The following SEMA3E variants were observed in gnomAD, a reference collection of about 807,000 sequenced individuals.
SEMA3E encodes semaphorin-3E.
In SEMA3E, 49 loss-of-function variants were observed where a neutral mutation model predicts 93.6. The ratio of observed to expected loss-of-function variants is 0.52; its 90% confidence interval spans 0.42 to 0.66. SEMA3E has a LOEUF of 0.66. SEMA3E is among the 30% of genes least tolerant of loss of function. SEMA3E has a pLI of 0.00. For synonymous variants in SEMA3E, 363 were observed against 330.7 expected (o/e 1.10, Z -1.06); for missense variants, 906 against 964.8 (o/e 0.94, Z 0.81).
At chr7:83,434,714 T>C (rs1309217919) in intron 4 of SEMA3E, among the ~76,000 whole-genome samples, 4 of 76,436 alleles carry the variant, frequency 5.2e-5, no homozygotes, top group Admixed American at 2.2e-4. Flanking sequence ...TATTTCTTTT[T>C]TTTTTTTTTT....
At chr7:83,532,027 C>T (rs1011215157) in intron 1 of SEMA3E, among the ~76,000 whole-genome samples, 5 of 152,146 alleles carry the variant, frequency 3.3e-5, no homozygotes, top group African/African-American at 4.8e-5. Context: ...TTAAAGTTAG[C>T]ATGCATTGCT....
At chr7:83,396,040 GAT>G (rs1491459708) in intron 12 of SEMA3E, among the ~76,000 whole-genome samples, 2 of 63,990 alleles carry the variant, frequency 3.1e-5, no homozygotes, top group Non-Finnish European at 6.6e-5. Flanking sequence ...GATACGACTT[GAT>G]GTGTGTGTGT....
intron 13 of SEMA3E, 84 bp from the exon 14 acceptor site, chr7:83,392,805 A>C: frequency 1.6e-6 from 2 of 1,273,702 alleles, no homozygotes; most frequent in South Asian, 2.4e-5. Flanking sequence ...ATTTATACAC[A>C]ATCACCTCAG....
intron 9 of SEMA3E, among the ~76,000 whole-genome samples, chr7:83,404,611 T>C (rs1476507787): frequency 6.6e-6 from 1 of 151,990 alleles, no homozygotes; most frequent in African/African-American, 2.4e-5. Context: ...TATGAAATAA[T>C]ATTTTATCCA....
At chr7:83,582,257 T>C (rs1375647230) in intron 1 of SEMA3E, among the ~76,000 whole-genome samples, 1 of 150,628 alleles carries the variant, frequency 6.6e-6, no homozygotes, top group Non-Finnish European at 1.5e-5. Context: ...TACATATAAA[T>C]AATAAACTAA....
chr7:83,397,381 A>T (rs192910021), intron 11 of SEMA3E, among the ~76,000 whole-genome samples: 84 of 152,126 alleles, frequency 5.5e-4, no homozygotes, highest in Admixed American at 2.8e-3. Flanking sequence ...ACGCAAGAAA[A>T]TTTTTTTACC....
intron 2 of SEMA3E, among the ~76,000 whole-genome samples, chr7:83,482,703 GC>G (rs1327024940): frequency 6.6e-6 from 1 of 151,754 alleles, no homozygotes; most frequent in Non-Finnish European, 1.5e-5. Flanking sequence ...ATAACACAAT[GC>G]CTACTCTTAG....
At chr7:83,423,805 C>G (rs930621817) in intron 4 of SEMA3E, among the ~76,000 whole-genome samples, 15 of 152,196 alleles carry the variant, frequency 9.9e-5, no homozygotes, top group African/African-American at 3.6e-4. Context: ...GCCACTGCAC[C>G]CAGCCTCGAT....
At chr7:83,381,344 T>A (rs1386567000) in intron 16 of SEMA3E, among the ~76,000 whole-genome samples, 1 of 152,016 alleles carries the variant, frequency 6.6e-6, no homozygotes, top group Non-Finnish European at 1.5e-5. Context: ...ATATCACATA[T>A]GCTCCTATCT....
At chr7:83,444,249 T>A (rs1321600791) in intron 4 of SEMA3E, among the ~76,000 whole-genome samples, 1 of 152,106 alleles carries the variant, frequency 6.6e-6, no homozygotes, top group Admixed American at 6.5e-5. Context: ...ATGGACAAAT[T>A]AGAGAATATA....
intron 1 of SEMA3E, among the ~76,000 whole-genome samples, chr7:83,511,702 T>C (rs1346290850): frequency 6.6e-6 from 1 of 151,952 alleles, no homozygotes; most frequent in Non-Finnish European, 1.5e-5. Flanking sequence ...CTGGCCAACA[T>C]GGTGAAACTC....
chr7:83,638,017 TTTG>T (rs991592733), intron 1 of SEMA3E, among the ~76,000 whole-genome samples: 3 of 152,170 alleles, frequency 2.0e-5, no homozygotes, highest in African/African-American at 7.2e-5. Context: ...AGCAATAAAC[TTTG>T]TTAATTACTC....
Position 83,402,789 on chromosome 7 carries a change from A to G in SEMA3E, c.999-13T>C, listed in dbSNP as rs1382414587. The G allele has an allele frequency of 6.2e-7, 1 of 1,609,406 alleles. No homozygotes were observed. The highest frequency in any genetic ancestry group is 1.3e-5 in the African/African-American group (1 of 74,710). Reference sequence around the variant, plus strand: ...TCGAAAAATATTACTGAAAAATACAAAAAAGATAATTATTCTTCTGGAACT... The same window carrying G: ...TCGAAAAATATTACTGAAAAATACAGAAAAGATAATTATTCTTCTGGAACT... On this transcript the variant is annotated splice_polypyrimidine_tract_variant and intron_variant, in intron 9 of 16. Transcript: ENST00000643230.
chr7:83,632,855 A>G (rs530715251), intron 1 of SEMA3E, among the ~76,000 whole-genome samples: 14 of 152,330 alleles, frequency 9.2e-5, no homozygotes, highest in East Asian at 5.8e-4. Flanking sequence ...ATTCCTTGTC[A>G]GGCAGTAATC....
At chr7:83,461,273 C>T (rs1232546163) in intron 4 of SEMA3E, among the ~76,000 whole-genome samples, 4 of 152,102 alleles carry the variant, frequency 2.6e-5, no homozygotes, top group African/African-American at 7.2e-5. Context: ...CAGTACCAAC[C>T]CCAAGCATTG....
chr7:83,373,673 C>A (rs1349797147), intron 16 of SEMA3E, among the ~76,000 whole-genome samples: 1 of 151,808 alleles, frequency 6.6e-6, no homozygotes, highest in Non-Finnish European at 1.5e-5. Flanking sequence ...AACTCAAAAC[C>A]ATAACATGTA....
chr7:83,619,688 C>T (rs1215021799), intron 1 of SEMA3E, among the ~76,000 whole-genome samples: 2 of 151,788 alleles, frequency 1.3e-5, no homozygotes, highest in Non-Finnish European at 2.9e-5. Context: ...AGTTATCACA[C>T]TTGCCTTGAA....
chr7:83,510,845 T>C (rs1280304103), intron 1 of SEMA3E, among the ~76,000 whole-genome samples: 1 of 152,218 alleles, frequency 6.6e-6, no homozygotes, highest in Non-Finnish European at 1.5e-5. Context: ...AAATGTCCCT[T>C]GTCTGGCCAA....
At chr7:83,466,637 A>G (rs1378815682) in intron 3 of SEMA3E, 36 bp from the exon 4 acceptor site, 2 of 1,609,288 alleles carry the variant, frequency 1.2e-6, no homozygotes, top group Non-Finnish European at 1.7e-6. Context: ...ATCTATCAGT[A>G]TAATAAACAT....
Sources: allele counts gnomAD v4.1 joint callset (sites outside exome capture counted in the v4.1 genomes callset), GRCh38; gene constraint gnomAD v4.1.1; transcripts MANE v1.5; gene names NCBI Gene and HGNC (gene_info 2026-07-23, HGNC 2026-07-21).